PPP3CC: variants seen among roughly 807,000 people sequenced by gnomAD.
PPP3CC encodes the protein protein phosphatase 3 catalytic subunit gamma.
In PPP3CC, 35 loss-of-function variants were observed where a neutral mutation model predicts 60.3. The observed-to-expected ratio is 0.58, with a 90% CI of 0.44 to 0.77. The LOEUF is 0.77. Ranked by LOEUF, PPP3CC falls within the 30% of genes least tolerant of loss-of-function variation. The probability of loss-of-function intolerance (pLI) is 0.00; values close to 1 mark genes in which losing one functional copy is unlikely to be tolerated. For missense variants in PPP3CC, 570 were observed against 628.9 expected, an observed-to-expected ratio of 0.91 and a Z score of 1.00; for synonymous variants, 206 against 224.3, an observed-to-expected ratio of 0.92 and a Z score of 0.73.
intron 3 of PPP3CC, among the ~76,000 whole-genome samples, chr8:22,497,264 G>C (rs1439556518): frequency 6.6e-6 from 1 of 151,938 alleles, no homozygotes; most frequent in Non-Finnish European, 1.5e-5. Flanking sequence ...CCCGACCTCC[G>C]GTGATCTGCC....
At chr8:22,471,429 G>A (rs1837718295) in intron 1 of PPP3CC, among the ~76,000 whole-genome samples, 1 of 152,040 alleles carries the variant, frequency 6.6e-6, no homozygotes, top group South Asian at 2.1e-4. Flanking sequence ...ACCATGGAAT[G>A]TACTTACAGA....
chr8:22,517,566 A>G (rs1024209956), intron 6 of PPP3CC, among the ~76,000 whole-genome samples: 3 of 151,628 alleles, frequency 2.0e-5, no homozygotes, highest in Admixed American at 6.6e-5. Context: ...TGGGCTTTCT[A>G]TTTCTTCATG....
chr8:22,444,714 C>T (rs1444693325), intron 1 of PPP3CC, among the ~76,000 whole-genome samples: 1 of 152,204 alleles, frequency 6.6e-6, no homozygotes, highest in East Asian at 1.9e-4. Flanking sequence ...GTAGGTTGCT[C>T]ATTCATTTCT....
chr8:22,534,173 C>T (rs531073183), intron 12 of PPP3CC, among the ~76,000 whole-genome samples: 12 of 138,598 alleles, frequency 8.7e-5, no homozygotes, highest in East Asian at 2.2e-4. Flanking sequence ...CACTCCAGCC[C>T]GGATCACAGA....
rs7001812 is a variant in PPP3CC at position 22,442,985 on chromosome 8, T to A, written c.49+1527T>A. 3.3e-3 allele frequency among the ~76,000 whole-genome samples: 505 copies of A among 152,296 alleles called. 3 individuals carry two copies. Among genetic ancestry groups the A allele is most frequent in the Non-Finnish European group, 4.3e-3 (291 of 68,028 alleles). The stretch of plus-strand genomic sequence containing the variant: ...TGCCCTTAACTGCTTTCTAATCTGC[T>A]ACGTCTTAGCTGAAGTAGGCAGGGA... On this transcript the variant is annotated intron_variant, in intron 1 of 13. Coordinates refer to ENST00000240139, the MANE Select transcript of PPP3CC (RefSeq NM_005605.5).
At chr8:22,521,668 G>T (rs1839408179) in intron 6 of PPP3CC, among the ~76,000 whole-genome samples, 2 of 152,134 alleles carry the variant, frequency 1.3e-5, no homozygotes, top group South Asian at 4.1e-4. Context: ...AAGTAAATTT[G>T]TTCTAATGAG....
intron 1 of PPP3CC, among the ~76,000 whole-genome samples, chr8:22,471,723 G>T (rs748687191): frequency 6.6e-6 from 1 of 152,172 alleles, no homozygotes; most frequent in Admixed American, 6.5e-5. Context: ...CTCTGGGTGA[G>T]TCGGAGGTGA....
chr8:22,450,329 G>A (rs955689847), intron 1 of PPP3CC, among the ~76,000 whole-genome samples: 1 of 152,140 alleles, frequency 6.6e-6, no homozygotes, highest in African/African-American at 2.4e-5. Flanking sequence ...GTGGTAGTGG[G>A]ATAAAGTAAA....
At chr8:22,491,471 C>T (rs927746188) in intron 3 of PPP3CC, among the ~76,000 whole-genome samples, 2 of 152,132 alleles carry the variant, frequency 1.3e-5, no homozygotes, top group Non-Finnish European at 2.9e-5. Context: ...TCAGCTCTTG[C>T]ACTCACTCTT....
chr8:22,476,245 A>G (rs1837884248), intron 3 of PPP3CC, among the ~76,000 whole-genome samples: 1 of 152,252 alleles, frequency 6.6e-6, no homozygotes, highest in Non-Finnish European at 1.5e-5. Context: ...CAAGGACTTG[A>G]GTACAGTGGA....
At chr8:22,451,245 C>T (rs1470140092) in intron 1 of PPP3CC, among the ~76,000 whole-genome samples, 1 of 152,104 alleles carries the variant, frequency 6.6e-6, no homozygotes, top group African/African-American at 2.4e-5. Flanking sequence ...AAGTGATTCT[C>T]CTGCCCCAGC....
chr8:22,441,242 G>A lies in PPP3CC; in HGVS notation c.-168G>A. 3.7e-6 allele frequency: 2 copies of A among 544,290 alleles called. No individual in the cohort carries two copies. The highest frequency in any genetic ancestry group is 2.0e-5 in the African/African-American group (1 of 49,878). 33.7% of individuals were successfully genotyped at this position (544,290 alleles called of 1,614,324 possible). On this transcript the variant is annotated 5_prime_UTR_variant, in exon 1 of 14. Transcript: ENST00000240139. The stretch of plus-strand genomic sequence containing the variant: ...CCTGTCAGTGGCGTCGGAGGCCGGC[G>A]CTGCGGTGGCCGCGCCCTTCTGGTG...
chr8:22,526,223 A>G (rs1473088248), intron 8 of PPP3CC, among the ~76,000 whole-genome samples: 1 of 152,166 alleles, frequency 6.6e-6, no homozygotes, highest in African/African-American at 2.4e-5. Context: ...TTTAATCATG[A>G]TTTTTAAAGA....
At chr8:22,495,224 C>G (rs190539244) in intron 3 of PPP3CC, among the ~76,000 whole-genome samples, 118 of 152,300 alleles carry the variant, frequency 7.7e-4, no homozygotes, top group African/African-American at 2.8e-3. Flanking sequence ...ACTGGGATTG[C>G]ATTTGTGAGC....
chr8:22,489,151 C>G (rs2132493763), intron 3 of PPP3CC, among the ~76,000 whole-genome samples: 1 of 151,552 alleles, frequency 6.6e-6, no homozygotes, highest in African/African-American at 2.4e-5. Flanking sequence ...TGCAGGGAGA[C>G]CAGTGAGGAT....
intron 12 of PPP3CC, among the ~76,000 whole-genome samples, chr8:22,534,196 C>CAAAAA (rs35668611): frequency 8.7e-6 from 1 of 114,926 alleles, no homozygotes. Context: ...AAGACTGTTT[C>CAAAAA]AAAAAAAAAA....
intron 4 of PPP3CC, among the ~76,000 whole-genome samples, chr8:22,507,135 AAAT>A (rs1221957237): frequency 6.6e-6 from 1 of 152,030 alleles, no homozygotes; most frequent in Non-Finnish European, 1.5e-5. Context: ...TAATAATAAA[AAAT>A]AAATAAAGCA....
At chr8:22,492,562 A>G in intron 3 of PPP3CC, 1 of 391,660 alleles carries the variant, frequency 2.6e-6, no homozygotes, top group South Asian at 3.8e-5. Flanking sequence ...TCCACCCGAG[A>G]CCCCCAAGCA....
chr8:22,495,625 C>T (rs888415240), intron 3 of PPP3CC, among the ~76,000 whole-genome samples: 2 of 152,006 alleles, frequency 1.3e-5, no homozygotes, highest in African/African-American at 4.8e-5. Context: ...ATGGCGCTAT[C>T]TCGGCTTACT....
Sources: allele counts gnomAD v4.1 joint callset (sites outside exome capture counted in the v4.1 genomes callset), GRCh38; gene constraint gnomAD v4.1.1; transcripts MANE v1.5; gene names NCBI Gene and HGNC (gene_info 2026-07-23, HGNC 2026-07-21).